Variants in SORBS2 observed in about 807,000 individuals in gnomAD.
The protein encoded by SORBS2 is sorbin and SH3 domain containing 2, also known as sorbin and SH3 domain-containing protein 2.
In SORBS2, 46 loss-of-function variants were observed where a neutral mutation model predicts 97.7. The observed-to-expected ratio is 0.47, with a 90% CI of 0.37 to 0.60. SORBS2 has a LOEUF of 0.60. Ranked by LOEUF, SORBS2 falls within the 20% of genes least tolerant of loss-of-function variation. The probability of loss-of-function intolerance (pLI) is 0.00; values close to 1 mark genes in which losing one functional copy is unlikely to be tolerated. For synonymous variants in SORBS2, 476 were observed against 473.4 expected (o/e 1.01, Z -0.07); for missense variants, 1,316 against 1,282.3 (o/e 1.03, Z -0.40).
chr4:185,748,911 G>C (rs2098781433), intron 2 of SORBS2, among the ~76,000 whole-genome samples: 1 of 152,174 alleles, frequency 6.6e-6, no homozygotes, highest in African/African-American at 2.4e-5. Flanking sequence ...GAGAATGAGG[G>C]GCCCCATTTA....
intron 4 of SORBS2, among the ~76,000 whole-genome samples, chr4:185,665,412 T>C (rs774308554): frequency 2.0e-5 from 3 of 152,236 alleles, no homozygotes; most frequent in Non-Finnish European, 4.4e-5. Flanking sequence ...TTTTAGACTT[T>C]ATGATCACAA....
chr4:185,870,808 CT>C (rs996108538), intron 1 of SORBS2, among the ~76,000 whole-genome samples: 2 of 152,032 alleles, frequency 1.3e-5, no homozygotes, highest in African/African-American at 2.4e-5. Context: ...TCAAGGATTC[CT>C]TTTTTTTCTA....
chr4:185,709,049 G>A (rs537168247), intron 2 of SORBS2, among the ~76,000 whole-genome samples: 140 of 152,246 alleles, frequency 9.2e-4, no homozygotes, highest in African/African-American at 3.2e-3. Flanking sequence ...ACGGAGTCTC[G>A]CTCTGTTGCC....
At chr4:185,693,051 G>A (rs140778944) in intron 2 of SORBS2, among the ~76,000 whole-genome samples, 174 of 152,318 alleles carry the variant, frequency 1.1e-3, no homozygotes, top group Middle Eastern at 6.8e-3. Flanking sequence ...TCATTGCAGT[G>A]TAGGGAGCAG....
At chr4:185,746,356 G>A (rs755493869) in intron 2 of SORBS2, among the ~76,000 whole-genome samples, 5 of 152,106 alleles carry the variant, frequency 3.3e-5, no homozygotes, top group African/African-American at 9.6e-5. Flanking sequence ...TCACTCTGTC[G>A]CCCAGGCTGC....
chr4:185,912,336 G>A (rs536212377), intron 1 of SORBS2, among the ~76,000 whole-genome samples: 190 of 152,036 alleles, frequency 1.2e-3, no homozygotes, highest in African/African-American at 4.4e-3. Flanking sequence ...TGTAATCGCA[G>A]CACTTTGGAA....
At chr4:185,648,400 T>C (rs1423709152) in intron 3 of SORBS2, among the ~76,000 whole-genome samples, 1 of 151,694 alleles carries the variant, frequency 6.6e-6, no homozygotes, top group Admixed American at 6.6e-5. Context: ...TACTTGGTAA[T>C]TGCTTGAACC....
At chr4:185,626,689 G>C in intron 6 of SORBS2, 143 bp downstream of exon 18, 1 of 796,902 alleles carries the variant, frequency 1.3e-6, no homozygotes, top group Non-Finnish European at 2.0e-6. Flanking sequence ...TGGGAAGAAG[G>C]CTATTGTTCT....
At chr4:185,821,910 T>C (rs1440777956) in intron 1 of SORBS2, among the ~76,000 whole-genome samples, 1 of 152,226 alleles carries the variant, frequency 6.6e-6, no homozygotes, top group Non-Finnish European at 1.5e-5. Flanking sequence ...GTGCAAGGTA[T>C]TCATATTAGT....
intron 1 of SORBS2, among the ~76,000 whole-genome samples, chr4:185,951,135 T>G (rs2099277042): frequency 6.6e-6 from 1 of 152,196 alleles, no homozygotes; most frequent in Non-Finnish European, 1.5e-5. Flanking sequence ...ATTGCCTGCC[T>G]TAACAGGATT....
chr4:185,928,757 AG>A (rs1579540723), intron 1 of SORBS2, among the ~76,000 whole-genome samples: 1 of 152,130 alleles, frequency 6.6e-6, no homozygotes, highest in East Asian at 1.9e-4. Context: ...CGTGTTAGCC[AG>A]GATGGTCTTG....
intron 1 of SORBS2, among the ~76,000 whole-genome samples, chr4:185,951,632 G>A (rs1229703896): frequency 6.6e-6 from 1 of 152,194 alleles, no homozygotes; most frequent in African/African-American, 2.4e-5. Context: ...CAGTTCCCTG[G>A]TATCAGCAGT....
At chr4:185,831,177 C>T (rs991691171) in intron 1 of SORBS2, among the ~76,000 whole-genome samples, 3 of 152,268 alleles carry the variant, frequency 2.0e-5, no homozygotes, top group Admixed American at 1.3e-4. Flanking sequence ...ATGATTTAGT[C>T]ATTAAAAATA....
chr4:185,932,029 G>C (rs544024716), intron 1 of SORBS2, among the ~76,000 whole-genome samples: 2 of 150,798 alleles, frequency 1.3e-5, no homozygotes, highest in African/African-American at 4.9e-5. Context: ...GATAGATATA[G>C]ATATAGATAC....
chr4:185,849,049 A>G (rs975348222), intron 1 of SORBS2, among the ~76,000 whole-genome samples: 5 of 152,232 alleles, frequency 3.3e-5, no homozygotes, highest in African/African-American at 1.2e-4. Context: ...TGTTTTGTTT[A>G]TTTTGGACAA....
chr4:185,848,350 A>T (rs2099215750), intron 1 of SORBS2, among the ~76,000 whole-genome samples: 1 of 152,174 alleles, frequency 6.6e-6, no homozygotes, highest in South Asian at 2.1e-4. Flanking sequence ...TTGGACAAGG[A>T]ATGGTAACTT....
intron 2 of SORBS2, among the ~76,000 whole-genome samples, chr4:185,734,355 T>C (rs1018539588): frequency 6.6e-6 from 1 of 152,228 alleles, no homozygotes; most frequent in African/African-American, 2.4e-5. Context: ...TTTAGTTTGT[T>C]ACATACTACA....
intron 1 of SORBS2, among the ~76,000 whole-genome samples, chr4:185,805,808 A>T (rs2099150854): frequency 6.6e-6 from 1 of 152,260 alleles, no homozygotes; most frequent in Non-Finnish European, 1.5e-5. Context: ...TGACGGGTTA[A>T]ATGCACGCGT....
chr4:185,732,488 G>C (rs1460833728), intron 2 of SORBS2, among the ~76,000 whole-genome samples: 2 of 152,150 alleles, frequency 1.3e-5, no homozygotes, highest in Non-Finnish European at 2.9e-5. Flanking sequence ...GGGGTTATTA[G>C]TCCTCTGGGT....
Sources: gnomAD v4.1 joint callset for allele counts (sites outside exome capture counted in the v4.1 genomes callset) on GRCh38, gnomAD v4.1.1 for gene constraint, MANE v1.5 for transcripts, NCBI Gene and HGNC (gene_info 2026-07-23, HGNC 2026-07-21) for gene names.